AKAP6: variants seen among roughly 807,000 people sequenced by gnomAD.
AKAP6 encodes A-kinase anchoring protein 6.
Under a neutral mutation model 188.5 loss-of-function variants are expected in AKAP6, and 58 were observed. The observed-to-expected ratio is 0.31, with a 90% CI of 0.25 to 0.38. The LOEUF is 0.38. Ranked by LOEUF, AKAP6 falls within the 10% of genes least tolerant of loss-of-function variation. AKAP6 has a pLI of 1.00. For synonymous variants in AKAP6, 989 were observed against 998.6 expected, an observed-to-expected ratio of 0.99 and a Z score of 0.18; for missense variants, 2,710 against 2,740.0, an observed-to-expected ratio of 0.99 and a Z score of 0.24.
At chr14:32,390,773 G>A (rs1393255818) in intron 1 of AKAP6, among the ~76,000 whole-genome samples, 1 of 152,102 alleles carries the variant, frequency 6.6e-6, no homozygotes, top group Non-Finnish European at 1.5e-5. Flanking sequence ...CAGGAGCAAT[G>A]TGTTGCCTTC....
At chr14:32,569,953 C>T (rs1184995813) in intron 4 of AKAP6, among the ~76,000 whole-genome samples, 1 of 151,962 alleles carries the variant, frequency 6.6e-6, no homozygotes, top group Non-Finnish European at 1.5e-5. Context: ...ACGTGATGCC[C>T]TCCAGATCCA....
intron 1 of AKAP6, among the ~76,000 whole-genome samples, chr14:32,397,797 A>G (rs1294410174): frequency 6.6e-6 from 1 of 152,232 alleles, no homozygotes; most frequent in Non-Finnish European, 1.5e-5. Context: ...GCCCAGGATG[A>G]TGAGTATGTA....
chr14:32,453,589 T>TTTC, intron 2 of AKAP6, among the ~76,000 whole-genome samples: 1 of 10,184 alleles, frequency 9.8e-5, no homozygotes, highest in Non-Finnish European at 1.9e-4. Flanking sequence ...TTTTTTTTTT[T>TTTC]TTTTTTTTTT....
chr14:32,703,274 G>A (rs1890688987), intron 9 of AKAP6, among the ~76,000 whole-genome samples: 1 of 152,100 alleles, frequency 6.6e-6, no homozygotes, highest in Non-Finnish European at 1.5e-5. Context: ...GTTTGAAAAA[G>A]CAACTTAAAT....
At chr14:32,399,711 T>G (rs1047297339) in intron 1 of AKAP6, among the ~76,000 whole-genome samples, 2 of 152,346 alleles carry the variant, frequency 1.3e-5, no homozygotes, top group Non-Finnish European at 2.9e-5. Context: ...AGAAGCTGGA[T>G]ATTTCCCTTT....
chr14:32,449,502 A>G (rs1217709835), intron 2 of AKAP6, among the ~76,000 whole-genome samples: 1 of 140,548 alleles, frequency 7.1e-6, no homozygotes, highest in Non-Finnish European at 1.5e-5. Flanking sequence ...AGCCTGGGCA[A>G]TGGAGCTAGA....
chr14:32,466,827 T>TTATATATATATATATATA (rs776142584), intron 2 of AKAP6, among the ~76,000 whole-genome samples: 6,599 of 113,980 alleles, frequency 0.058, 285 homozygotes, highest in South Asian at 0.098. Context: ...AAAAACAAGA[T>TTATATATATATATATATA]TATATATATA....
chr14:32,610,063 G>T (rs1886292372), intron 7 of AKAP6, among the ~76,000 whole-genome samples: 1 of 152,008 alleles, frequency 6.6e-6, no homozygotes, highest in Non-Finnish European at 1.5e-5. Flanking sequence ...ACTCACAACG[G>T]GCTTACTATA....
chr14:32,396,037 C>G (rs1379256277), intron 1 of AKAP6, among the ~76,000 whole-genome samples: 1 of 151,722 alleles, frequency 6.6e-6, no homozygotes, highest in Non-Finnish European at 1.5e-5. Flanking sequence ...CATTAATGAG[C>G]TATAATGTGT....
chr14:32,751,899 C>G (rs1594910697), intron 11 of AKAP6, among the ~76,000 whole-genome samples: 1 of 152,214 alleles, frequency 6.6e-6, no homozygotes, highest in South Asian at 2.1e-4. Flanking sequence ...ATGCAATATC[C>G]TTGTGCATAT....
intron 7 of AKAP6, among the ~76,000 whole-genome samples, chr14:32,625,653 A>T (rs1472283984): frequency 1.0e-4 from 6 of 60,092 alleles, no homozygotes; most frequent in South Asian, 6.7e-4. Context: ...ATACAAATAA[A>T]AAAAAAAAAC....
chr14:32,786,296 A>ATGTTGTTTTTTTTT, intron 12 of AKAP6, among the ~76,000 whole-genome samples: 1 of 93,706 alleles, frequency 1.1e-5, no homozygotes, highest in Admixed American at 1.3e-4. Context: ...CTAAACCTTT[A>ATGTTGTTTTTTTTT]TCTTTTTTTT....
intron 12 of AKAP6, among the ~76,000 whole-genome samples, chr14:32,796,925 C>A (rs2033786237): frequency 6.6e-6 from 1 of 152,100 alleles, no homozygotes; most frequent in South Asian, 2.1e-4. Flanking sequence ...TACCCTGAGT[C>A]TACAAGGAAC....
chr14:32,723,175 A>G (rs2030645444), intron 9 of AKAP6, among the ~76,000 whole-genome samples: 1 of 152,156 alleles, frequency 6.6e-6, no homozygotes, highest in South Asian at 2.1e-4. Flanking sequence ...CTCCTGTCTC[A>G]CTTTTTTAAA....
chr14:32,646,829 G>A (rs1888006163), intron 7 of AKAP6, among the ~76,000 whole-genome samples: 1 of 152,008 alleles, frequency 6.6e-6, no homozygotes, highest in African/African-American at 2.4e-5. Flanking sequence ...CATGAAAAAA[G>A]GGAAAAGGAG....
At chr14:32,612,194 A>G (rs1197556227) in intron 7 of AKAP6, among the ~76,000 whole-genome samples, 1 of 152,152 alleles carries the variant, frequency 6.6e-6, no homozygotes, top group Non-Finnish European at 1.5e-5. Flanking sequence ...AGCCTTGTAA[A>G]ACACCAGTTT....
chr14:32,353,846 T>C (rs10134798), intron 1 of AKAP6, among the ~76,000 whole-genome samples: 47,687 of 151,474 alleles, frequency 0.31, 8,200 homozygotes, highest in African/African-American at 0.46. Context: ...CATGAGTGAA[T>C]TCCCATTCAC....
chr14:32,786,296 A>ATGTTTTTTTTGTTTTTTT, intron 12 of AKAP6, among the ~76,000 whole-genome samples: 2 of 93,706 alleles, frequency 2.1e-5, no homozygotes, highest in East Asian at 3.0e-4. Context: ...CTAAACCTTT[A>ATGTTTTTTTTGTTTTTTT]TCTTTTTTTT....
intron 2 of AKAP6, among the ~76,000 whole-genome samples, chr14:32,459,692 C>A: frequency 6.9e-6 from 1 of 145,852 alleles, no homozygotes; most frequent in South Asian, 2.1e-4. Context: ...ACAGCCAAGT[C>A]ATTAATAAGA....
Sources: allele counts gnomAD v4.1 joint callset (sites outside exome capture counted in the v4.1 genomes callset), GRCh38; gene constraint gnomAD v4.1.1; transcripts MANE v1.5; gene names NCBI Gene and HGNC (gene_info 2026-07-23, HGNC 2026-07-21).